Variants in GRM6 observed in about 807,000 individuals in gnomAD.
GRM6 encodes metabotropic glutamate receptor 6.
GRM6 carries 73 observed loss-of-function variants against 78.4 expected under a neutral mutation model. That is an observed-to-expected ratio of 0.93 (90% CI 0.77 to 1.13). The LOEUF is 1.13. Ranked by LOEUF, GRM6 falls within the 50% of genes most tolerant of loss-of-function variation. The pLI is 0.00. For synonymous variants in GRM6, 580 were observed against 555.0 expected (o/e 1.05, Z -0.63); for missense variants, 1,251 against 1,256.4 (o/e 1.00, Z 0.07).
In GRM6 at chr5:178,991,465, G is replaced by A. The variant is rs1046529474; in HGVS notation, c.816C>T (p.Asn272=). The change falls in exon 4 of 11, where the codon AAC becomes AAT. Residue 272 remains asparagine, a synonymous_variant. Coordinates refer to ENST00000517717, the MANE Select transcript of GRM6 (RefSeq NM_000843.4). This position sits in a 1 kb window ranked among gnomAD's most constrained non-coding sequence, Gnocchi z 5.0. Reference sequence around the variant, plus strand: ...TGGCAAAGATGATGATGCCCCGGGCGTTGGGCGTCTCCATGAGTCTCCTGA... The same window carrying A: ...TGGCAAAGATGATGATGCCCCGGGCATTGGGCGTCTCCATGAGTCTCCTGA... ...KVIRRLMETP[N]ARGIIIFANE... 19 of 1,613,338 alleles carry A rather than the reference G, an allele frequency of 1.2e-5. No homozygotes were observed. The highest frequency in any genetic ancestry group is 2.7e-5 in the African/African-American group (2 of 74,768).
In GRM6 at chr5:178,989,403, A is replaced by T; in HGVS notation, c.1015T>A (p.Phe339Ile). Residue 339 changes from phenylalanine to isoleucine, a missense_variant and splice_region_variant, in exon 6 of 11, where the codon TTT becomes ATT. By Grantham distance (21) the Phe-to-Ile change is conservative (BLOSUM62 0). Coordinates refer to ENST00000517717, the MANE Select transcript of GRM6 (RefSeq NM_000843.4). Reference sequence around the variant, plus strand: ...GATCGAGTCATGAAGTACTGGTCAAATCCTACAGACAGGGAAGAAGGGGGA... The same window carrying T: ...GATCGAGTCATGAAGTACTGGTCAATTCCTACAGACAGGGAAGAAGGGGGA... ...ILPKRASIDG[F>I]DQYFMTRSLE... 6.2e-7 allele frequency: 1 copy of T among 1,614,094 alleles called. No homozygotes were observed. Among genetic ancestry groups the T allele is most frequent in the Non-Finnish European group, 8.5e-7 (1 of 1,180,028 alleles).
rs17078875 is a variant in GRM6 at position 178,982,949 on chromosome 5, G to A, written c.2397C>T (p.Phe799=). ...GGGCAGTGCCAAAGAAGATGGGCAC[G>A]AATGCCAGCCAGATGATGCAGGTGG... ...MYTTCIIWLA[F]VPIFFGTAQS... The change falls in exon 10 of 11, where the codon TTC becomes TTT. Residue 799 remains phenylalanine, a synonymous_variant. Transcript: ENST00000517717. 0.063 allele frequency: 101,443 copies of A among 1,614,008 alleles called. 3,715 individuals are homozygous for A. Among genetic ancestry groups the A allele is most frequent in the Non-Finnish European group, 0.075 (88,470 of 1,179,846 alleles).
rs1446468887 is a variant in GRM6, at chr5:178,990,630, C to CCTTTTGGG, written c.973_974insCCCAAAAG (p.Gly325AlafsTer23). The stretch of plus-strand genomic sequence containing the variant: ...CCTTTTGGGCAGGATGGTGATGGCC[C>CCTTTTGGG]CAACGGCCACGTCCTCCAGGCTCAA... On this transcript the variant is annotated frameshift_variant, in exon 5 of 11. Coordinates refer to ENST00000517717, the MANE Select transcript of GRM6 (RefSeq NM_000843.4). LOFTEE classifies it high-confidence loss of function. The CCTTTTGGG allele has an allele frequency of 1.2e-6, 2 of 1,612,738 alleles. No individual in the cohort carries two copies. The highest frequency in any genetic ancestry group is 1.7e-6 in the Non-Finnish European group (2 of 1,179,760).
At chr5:178,987,601 G>A (rs533996193) in intron 7 of GRM6, 43 of 375,898 alleles carry the variant, frequency 1.1e-4, no homozygotes, top group Non-Finnish European at 2.2e-4. Flanking sequence ...GAGGTACCGA[G>A]GGTAGACAAT....
rs368879122 is a variant in GRM6 at position 178,983,109 on chromosome 5, A to T, written c.2237T>A (p.Met746Lys). The T allele has an allele frequency of 1.3e-5, 21 of 1,614,008 alleles. No homozygotes were observed. The highest frequency in any genetic ancestry group is 8.3e-5 in the Admixed American group (5 of 60,020). Residue 746 changes from methionine (M) to lysine (K), a missense_variant, in exon 10 of 11, where the codon ATG becomes AAG. By Grantham distance (95) the Met-to-Lys change is moderately conservative (BLOSUM62 -1). Transcript: ENST00000517717. ...EQARGVLKCD[M>K]SDLSLIGCLG... ...GCAGCCGATGAGAGACAGATCCGAC[A>T]TGTCGCACTTGAGCACCCCTCTGGC... is the stretch of plus-strand genomic sequence containing the variant.
chr5:178,991,621 C>T lies in GRM6; in HGVS notation c.722-62G>A, dbSNP rs760348536. On this transcript the variant is annotated intron_variant, in intron 3 of 10. Coordinates refer to ENST00000517717, the MANE Select transcript of GRM6 (RefSeq NM_000843.4). This position sits in a 1 kb window ranked among gnomAD's most constrained non-coding sequence, Gnocchi z 5.0. ...ACCCACCCACACACCCACCTGGCCA[C>T]CGCTGCAGAGGACTGTGTAGGCTGG... 4.4e-5 allele frequency: 69 copies of T among 1,578,420 alleles called. No individual in the cohort carries two copies. Among genetic ancestry groups the T allele is most frequent in the Non-Finnish European group, 1.3e-5 (15 of 1,149,028 alleles).
chr5:178,993,500 C>T (rs1021703084), intron 2 of GRM6, among the ~76,000 whole-genome samples: 7 of 152,178 alleles, frequency 4.6e-5, no homozygotes, highest in African/African-American at 1.7e-4. Flanking sequence ...TAGGGAGCGG[C>T]CCCGCACGCC....
intron 10 of GRM6, among the ~76,000 whole-genome samples, chr5:178,982,624 T>TA (rs554927480): frequency 0.036 from 3,109 of 86,066 alleles, 67 homozygotes; most frequent in Middle Eastern, 0.091. Context: ...GAACTTGAAT[T>TA]AAAAAAAACA....
chr5:178,986,765 A>T lies in GRM6; in HGVS notation c.1501-12T>A, dbSNP rs766251037. The T allele has an allele frequency of 6.2e-7, 1 of 1,609,810 alleles. No homozygotes were observed. The highest frequency in any genetic ancestry group is 1.1e-5 in the South Asian group (1 of 91,044). ...TGCAGGGCCTCCACCTGGGACGCAC[A>T]AAACACAGGCTGGGGCGTCTGCCTC... On this transcript the variant is annotated splice_polypyrimidine_tract_variant and intron_variant, in intron 8 of 10. Transcript: ENST00000517717.
Position 178,991,560 on chromosome 5 carries a change from C to A in GRM6, c.722-1G>T, listed in dbSNP as rs766594761. On this transcript the variant is annotated splice_acceptor_variant, in intron 3 of 10. Transcript: ENST00000517717. LOFTEE classifies it high-confidence loss of function. This position sits in a 1 kb window ranked among gnomAD's most constrained non-coding sequence, Gnocchi z 5.0. ...ATAGACTGGGCAATACAGACCCCCC[C>A]TGGGCGTTGGGGGTGCCAGAGTCAG... 11 of 1,613,776 alleles carry A rather than the reference C, an allele frequency of 6.8e-6. No homozygotes were observed. Among genetic ancestry groups the A allele is most frequent in the African/African-American group, 1.3e-5 (1 of 74,898 alleles).
rs964316300 is a variant in GRM6 at position 178,981,388 on chromosome 5, T to C, written c.*269A>G. The C allele has an allele frequency of 3.9e-5, 19 of 489,230 alleles. No homozygotes were observed. In the Admixed American group the frequency reaches 6.4e-4, roughly 16 times the overall value. The allele number at this position is 489,230 out of a possible 1,614,324, so 30.3% of individuals were successfully genotyped here. ...CGGATGAGAGAATAAGTTTAGTCCC[T>C]TTCTAGAGCTAGAACCTTCTCGGTG... On this transcript the variant is annotated 3_prime_UTR_variant, in exon 11 of 11. Coordinates refer to ENST00000517717, the MANE Select transcript of GRM6 (RefSeq NM_000843.4). This position sits in a 1 kb window ranked among gnomAD's most constrained non-coding sequence, Gnocchi z 5.1.
Position 178,994,375 on chromosome 5 carries a change from T to G in GRM6, c.504+66A>C, listed in dbSNP as rs62638203. 0.028 allele frequency: 38,501 copies of G among 1,367,420 alleles called. 647 individuals carry two copies. The highest frequency in any genetic ancestry group is 0.031 in the Non-Finnish European group (32,586 of 1,042,412). The allele number at this position is 1,367,420 out of a possible 1,614,324, so 84.7% of individuals were successfully genotyped here. A position where few individuals can be genotyped will look rare whatever the true frequency, so the allele number is the denominator to read the frequency against. ...TCAGAAGAAGTAAAGGAAGGAGACT[T>G]GGGCCACCCCAGGGCGAGGACGGGA... On this transcript the variant is annotated intron_variant, in intron 2 of 10. Coordinates refer to ENST00000517717, the MANE Select transcript of GRM6 (RefSeq NM_000843.4).
At chr5:178,989,445 A>G (rs1434073225) in intron 5 of GRM6, 40 bp from the exon 6 acceptor site, 6 of 1,612,968 alleles carry the variant, frequency 3.7e-6, no homozygotes, top group Non-Finnish European at 5.1e-6. Flanking sequence ...CGCTGACCTG[A>G]GCCAGCTGTG....
chr5:178,981,396 G>A lies in GRM6; in HGVS notation c.*261C>T, dbSNP rs1303850414. ...AGAATAAGTTTAGTCCCTTTCTAGA[G>A]CTAGAACCTTCTCGGTGGCTGTTTC... On this transcript the variant is annotated 3_prime_UTR_variant, in exon 11 of 11. Transcript: ENST00000517717. This position sits in a 1 kb window ranked among gnomAD's most constrained non-coding sequence, Gnocchi z 5.1. The A allele has an allele frequency of 1.9e-6, 1 of 516,216 alleles. No homozygotes were observed. Among genetic ancestry groups the A allele is most frequent in the Non-Finnish European group, 3.5e-6 (1 of 285,936 alleles). 32.0% of individuals were successfully genotyped at this position (516,216 alleles called of 1,614,324 possible).
intron 9 of GRM6, chr5:178,985,588 A>T (rs977181683): frequency 5.7e-6 from 2 of 349,658 alleles, no homozygotes; most frequent in Non-Finnish European, 1.1e-5. Flanking sequence ...CTGTAGTCCC[A>T]GCTACTCGGG....
rs114979212 is a variant in GRM6, at chr5:178,982,684, G to A, written c.2436+226C>T. The A allele has an allele frequency of 0.055, 20,788 of 376,292 alleles. 991 individuals carry two copies. The highest frequency in any genetic ancestry group is 0.19 in the East Asian group (4,789 of 25,730). 23.3% of individuals were successfully genotyped at this position (376,292 alleles called of 1,614,324 possible). On this transcript the variant is annotated intron_variant, in intron 10 of 10. Transcript: ENST00000517717. ...GTGAGGCAATATCTCTCAAAGAAAT[G>A]AAAATGATAAAAAAAAAAAAGAAAA... is the stretch of plus-strand genomic sequence containing the variant.
intron 6 of GRM6, 65 bp from the exon 7 acceptor site, chr5:178,989,200 T>TACC: frequency 7.5e-7 from 1 of 1,333,670 alleles, no homozygotes; most frequent in Non-Finnish European, 1.0e-6. Flanking sequence ...CCTCCCGCCT[T>TACC]CCCCCTCCCC....
Position 178,991,763 on chromosome 5 carries a change from G to A in GRM6, c.721+104C>T, listed in dbSNP as rs538173395. 1.5e-5 allele frequency: 18 copies of A among 1,184,220 alleles called. No individual in the cohort carries two copies. In the South Asian group the frequency reaches 2.1e-4, roughly 14 times the overall value. The allele number at this position is 1,184,220 out of a possible 1,614,324, so 73.4% of individuals were successfully genotyped here. The stretch of plus-strand genomic sequence containing the variant: ...ATGGAGCACCAGCCAGGCAACCTCG[G>A]CCCAGCATGGACCTGGGCCCCCCAT... On this transcript the variant is annotated intron_variant, in intron 3 of 10. Transcript: ENST00000517717. This position sits in a 1 kb window ranked among gnomAD's most constrained non-coding sequence, Gnocchi z 5.0.
In GRM6 at chr5:178,981,780, T is replaced by C; in HGVS notation, c.2511A>G (p.Val837=). 1 of 1,612,936 alleles carries C rather than the reference T, an allele frequency of 6.2e-7. No individual in the cohort carries two copies. The highest frequency in any genetic ancestry group is 8.5e-7 in the Non-Finnish European group (1 of 1,178,954). The change falls in exon 11 of 11, where the codon GTA becomes GTG. Residue 837 remains valine (V), a synonymous_variant. Transcript: ENST00000517717. This position sits in a 1 kb window ranked among gnomAD's most constrained non-coding sequence, Gnocchi z 5.1. ...SASVSLGMLY[V]PKTYVILFHP... ...GGAAGAGGATGACGTAGGTTTTGGG[T>C]ACGTAGAGCATGCCGAGGGACACCG... is the stretch of plus-strand genomic sequence containing the variant.
Sources: gnomAD v4.1 joint callset for allele counts (sites outside exome capture counted in the v4.1 genomes callset) on GRCh38, gnomAD v4.1.1 for gene constraint, Gnocchi (gnomAD v3.1) non-coding constraint, MANE v1.5 for transcripts, NCBI Gene and HGNC (gene_info 2026-07-23, HGNC 2026-07-21) for gene names.